The following PDE4D variants were observed in gnomAD, a reference collection of about 807,000 sequenced individuals.
PDE4D encodes the protein 3',5'-cyclic-AMP phosphodiesterase 4D.
Under a neutral mutation model 87.4 loss-of-function variants are expected in PDE4D, and 24 were observed. The observed-to-expected ratio is 0.27, with a 90% CI of 0.20 to 0.39. PDE4D has a LOEUF of 0.39. PDE4D is among the 10% of genes least tolerant of loss of function. The pLI is 1.00. For synonymous variants in PDE4D, 384 were observed against 383.2 expected (o/e 1.00, Z -0.02); for missense variants, 714 against 1,041.0 (o/e 0.69, Z 4.32).
At chr5:60,132,603 T>C (rs1159392251) in intron 2 of PDE4D, among the ~76,000 whole-genome samples, 1 of 152,212 alleles carries the variant, frequency 6.6e-6, no homozygotes, top group African/African-American at 2.4e-5. Flanking sequence ...ATACTTTGTA[T>C]TGACAATACA....
chr5:60,423,208 C>T (rs1428497437), intron 1 of PDE4D, among the ~76,000 whole-genome samples: 1 of 152,222 alleles, frequency 6.6e-6, no homozygotes, highest in Middle Eastern at 3.2e-3. Context: ...TAGACATCTA[C>T]AGAACTCTCC....
At chr5:59,182,996 T>TA (rs1742011614) in intron 4 of PDE4D, among the ~76,000 whole-genome samples, 1 of 152,202 alleles carries the variant, frequency 6.6e-6, no homozygotes. Context: ...ATGCCTTCCA[T>TA]AAAATCCAAG....
At chr5:59,159,525 C>T (rs1780736522) in intron 5 of PDE4D, among the ~76,000 whole-genome samples, 1 of 152,086 alleles carries the variant, frequency 6.6e-6, no homozygotes, top group South Asian at 2.1e-4. Context: ...ACCCAGAGCA[C>T]AGAATTAAAC....
At chr5:60,349,975 T>C (rs766663715) in intron 1 of PDE4D, among the ~76,000 whole-genome samples, 2 of 152,164 alleles carry the variant, frequency 1.3e-5, no homozygotes, top group Non-Finnish European at 2.9e-5. Context: ...TGCCAACCAG[T>C]TGGAATACAG....
At chr5:60,010,564 C>T (rs1031804181) in intron 2 of PDE4D, among the ~76,000 whole-genome samples, 5 of 152,040 alleles carry the variant, frequency 3.3e-5, no homozygotes, top group African/African-American at 1.2e-4. Context: ...CATCTGTGTA[C>T]CCCTCATACT....
intron 1 of PDE4D, among the ~76,000 whole-genome samples, chr5:59,369,283 T>C (rs1475223329): frequency 6.6e-6 from 1 of 152,180 alleles, no homozygotes; most frequent in East Asian, 1.9e-4. Context: ...TTGAATAGGC[T>C]TGTGAAAAAG....
chr5:59,539,082 C>T (rs1180034673), intron 1 of PDE4D, among the ~76,000 whole-genome samples: 1 of 152,148 alleles, frequency 6.6e-6, no homozygotes, highest in African/African-American at 2.4e-5. Context: ...GATTATACTT[C>T]ATTGTAATTG....
chr5:60,101,372 GC>G (rs1776197799), intron 2 of PDE4D, among the ~76,000 whole-genome samples: 1 of 151,886 alleles, frequency 6.6e-6, no homozygotes, highest in South Asian at 2.1e-4. Flanking sequence ...CCACATTCTT[GC>G]TGCCAATTCT....
intron 1 of PDE4D, among the ~76,000 whole-genome samples, chr5:60,218,290 A>G (rs1744104332): frequency 6.6e-6 from 1 of 152,068 alleles, no homozygotes; most frequent in South Asian, 2.1e-4. Flanking sequence ...TCTATGAAGA[A>G]CAAGAACAGG....
At chr5:59,910,733 C>G (rs976948156) in intron 3 of PDE4D, among the ~76,000 whole-genome samples, 8 of 152,196 alleles carry the variant, frequency 5.3e-5, no homozygotes, top group African/African-American at 1.9e-4. Context: ...CCACCAGACA[C>G]TAGATCCTTG....
chr5:58,986,904 T>C (rs1746561784), intron 11 of PDE4D, among the ~76,000 whole-genome samples: 1 of 152,078 alleles, frequency 6.6e-6, no homozygotes, highest in Non-Finnish European at 1.5e-5. Flanking sequence ...ACATATAATA[T>C]GCTATATAAC....
At chr5:60,101,466 A>T (rs1044278225) in intron 2 of PDE4D, among the ~76,000 whole-genome samples, 8 of 152,032 alleles carry the variant, frequency 5.3e-5, no homozygotes, top group African/African-American at 1.9e-4. Context: ...ATCGTTTCTG[A>T]AGTATTTTGA....
At chr5:60,483,147 T>A (rs1430025986) in intron 1 of PDE4D, among the ~76,000 whole-genome samples, 1 of 152,130 alleles carries the variant, frequency 6.6e-6, no homozygotes, top group African/African-American at 2.4e-5. Context: ...TATAAGAAAA[T>A]TTTTATGTTT....
chr5:59,922,619 G>A lies in PDE4D; in HGVS notation c.272+65869C>T, dbSNP rs182742907. 2.3e-4 allele frequency among the ~76,000 whole-genome samples: 35 copies of A among 152,206 alleles called. No homozygotes were observed. The East Asian group carries it at 5.4e-3, about 24-fold the overall frequency. The stretch of plus-strand genomic sequence containing the variant: ...ACCCTGGACCAAAAGGGAACCTGCT[G>A]CCTTGAAGGGAAGGAAGCAGTCCTG... On this transcript the variant is annotated intron_variant, in intron 3 of 16. Transcript: ENST00000502484.
At chr5:59,090,107 G>A (rs1393659866) in intron 5 of PDE4D, among the ~76,000 whole-genome samples, 1 of 152,104 alleles carries the variant, frequency 6.6e-6, no homozygotes, top group Non-Finnish European at 1.5e-5. Flanking sequence ...TACGGGATAA[G>A]CACAGTTAAA....
At chr5:58,986,453 T>C (rs1436722142) in intron 11 of PDE4D, among the ~76,000 whole-genome samples, 4 of 84,816 alleles carry the variant, frequency 4.7e-5, no homozygotes, top group Non-Finnish European at 1.1e-4. Flanking sequence ...GTCCGTGGCC[T>C]GTCAGGAACT....
chr5:59,592,559 A>G (rs1005646879), intron 1 of PDE4D, among the ~76,000 whole-genome samples: 2 of 152,190 alleles, frequency 1.3e-5, no homozygotes, highest in African/African-American at 4.8e-5. Context: ...ATTTTGGATC[A>G]TACTCCTCAA....
intron 2 of PDE4D, among the ~76,000 whole-genome samples, chr5:59,207,827 G>C (rs1420875767): frequency 6.6e-6 from 1 of 151,558 alleles, no homozygotes; most frequent in Non-Finnish European, 1.5e-5. Context: ...TTTTATACAG[G>C]AGTGAGAAAA....
chr5:59,552,989 A>G (rs1818356723), intron 1 of PDE4D, among the ~76,000 whole-genome samples: 1 of 152,170 alleles, frequency 6.6e-6, no homozygotes, highest in African/African-American at 2.4e-5. Flanking sequence ...GTTCCTTAAA[A>G]GTTTGGAAAC....
Sources: allele counts gnomAD v4.1 joint callset (sites outside exome capture counted in the v4.1 genomes callset), GRCh38; gene constraint gnomAD v4.1.1; transcripts MANE v1.5; gene names NCBI Gene and HGNC (gene_info 2026-07-23, HGNC 2026-07-21).